TVP23C: variants seen among roughly 807,000 people sequenced by gnomAD.
TVP23C encodes trans-golgi network vesicle protein 23 homolog C.
In TVP23C, 19 loss-of-function variants were observed where a neutral mutation model predicts 28.7. The ratio of observed to expected loss-of-function variants is 0.66; its 90% CI spans 0.46 to 0.97. The LOEUF (loss-of-function observed/expected upper bound fraction) is 0.97. TVP23C is among the 50% of genes least tolerant of loss of function. TVP23C has a pLI of 0.00. For missense variants in TVP23C, 186 were observed against 241.3 expected, an observed-to-expected ratio of 0.77 and a Z score of 1.52; for synonymous variants, 68 against 81.7, an observed-to-expected ratio of 0.83 and a Z score of 0.90.
At chr17:15,509,147 C>T (rs1464284263) in intron 5 of TVP23C, among the ~76,000 whole-genome samples, 1 of 152,242 alleles carries the variant, frequency 6.6e-6, no homozygotes, top group African/African-American at 2.4e-5. Context: ...GTCTGTCATT[C>T]TCTGATCTGG....
intron 5 of TVP23C, among the ~76,000 whole-genome samples, chr17:15,530,504 A>G (rs1376480872): frequency 2.6e-5 from 4 of 152,214 alleles, no homozygotes; most frequent in African/African-American, 2.4e-5. Context: ...ACATTATTTC[A>G]TAAGTACTGC....
intron 5 of TVP23C, among the ~76,000 whole-genome samples, chr17:15,520,748 C>A (rs1263204708): frequency 6.6e-6 from 1 of 152,054 alleles, no homozygotes; most frequent in African/African-American, 2.4e-5. Flanking sequence ...GTGCTTGATA[C>A]CACCATGTCC....
Position 15,538,323 on chromosome 17 carries a change from G to C in TVP23C, c.*2089C>G. On this transcript the variant is annotated 3_prime_UTR_variant, in exon 6 of 6. Coordinates refer to ENST00000518321, the MANE Select transcript of TVP23C (RefSeq NM_001135036.2). The stretch of plus-strand genomic sequence containing the variant: ...TAGACATGCTAGGCTGGGCGCCGTG[G>C]CTTACACCTGTAATCCCAGCACTTT... 7 of 967,182 alleles carry C rather than the reference G, an allele frequency of 7.2e-6. No homozygotes were observed. Among genetic ancestry groups the C allele is most frequent in the Non-Finnish European group, 8.6e-6 (7 of 813,516 alleles). The allele number at this position is 967,182 out of a possible 1,614,324, so 59.9% of individuals were successfully genotyped here. A position where few individuals can be genotyped will look rare whatever the true frequency, so the allele number is the denominator to read the frequency against.
chr17:15,524,874 A>T (rs1982655679), intron 5 of TVP23C, among the ~76,000 whole-genome samples: 1 of 152,230 alleles, frequency 6.6e-6, no homozygotes, highest in South Asian at 2.1e-4. Context: ...CTAAGAACAG[A>T]CACAGTGCAT....
At chr17:15,513,162 G>A (rs955501488) in intron 5 of TVP23C, among the ~76,000 whole-genome samples, 1 of 152,154 alleles carries the variant, frequency 6.6e-6, no homozygotes, top group African/African-American at 2.4e-5. Context: ...AGAAGGCCAG[G>A]AACAGTCCTT....
At chr17:15,558,231 A>G (rs1286229451) in intron 1 of TVP23C, among the ~76,000 whole-genome samples, 3 of 144,954 alleles carry the variant, frequency 2.1e-5, no homozygotes, top group East Asian at 2.0e-4. Context: ...GCGGCCAGGG[A>G]GACTTTTTCA....
intron 1 of TVP23C, among the ~76,000 whole-genome samples, chr17:15,561,953 G>A (rs1025706425): frequency 1.3e-5 from 2 of 152,046 alleles, no homozygotes; most frequent in African/African-American, 2.4e-5. Flanking sequence ...AGTGACCACT[G>A]GTCGTCCTCA....
chr17:15,544,378 AAT>A (rs1219034855), intron 5 of TVP23C, among the ~76,000 whole-genome samples: 1 of 152,224 alleles, frequency 6.6e-6, no homozygotes, highest in East Asian at 1.9e-4. Flanking sequence ...ACCAGTAAGA[AAT>A]ATGTTTTCAA....
chr17:15,531,469 C>T (rs1982947974), intron 5 of TVP23C, among the ~76,000 whole-genome samples: 1 of 152,158 alleles, frequency 6.6e-6, no homozygotes, highest in Non-Finnish European at 1.5e-5. Context: ...ATCCCTCAAG[C>T]TCTGTTCACT....
At chr17:15,502,695 T>TGTTC (rs994493261) in exon 6 of TVP23C, 7 of 1,145,840 alleles carry the variant, frequency 6.1e-6, no homozygotes, top group African/African-American at 1.6e-5. Context: ...ACAAGTTCCC[T>TGTTC]GTTCGTTCGT....
chr17:15,551,176 G>C (rs1314930635), intron 3 of TVP23C, among the ~76,000 whole-genome samples: 1 of 151,752 alleles, frequency 6.6e-6, no homozygotes, highest in Non-Finnish European at 1.5e-5. Context: ...GAGTGCAGTG[G>C]CGCGATCTCG....
Position 15,553,723 on chromosome 17 carries a change from T to G in TVP23C, c.202A>C (p.Ile68Leu). The G allele has an allele frequency of 6.2e-7, 1 of 1,613,396 alleles. No individual in the cohort carries two copies. The highest frequency in any genetic ancestry group is 8.5e-7 in the Non-Finnish European group (1 of 1,179,776). ...SSSFITCMVTIILLLSCDFWA... is the reference protein window; with the variant it reads ...SSSFITCMVTLILLLSCDFWA... ...AAGTCACACGACAACAACAAGATAATTGTAACCATACAGGTAATAAAGCTG... is the reference window on the plus strand; with the variant it reads ...AAGTCACACGACAACAACAAGATAAGTGTAACCATACAGGTAATAAAGCTG... Residue 68 changes from isoleucine to leucine, a missense_variant, in exon 3 of 6, where the codon ATT becomes CTT. Around this residue, in one of 3 missense-constraint regions of TVP23C, gnomAD observed 92 missense variants for 94.3 expected, o/e 0.98. Transcript: ENST00000518321.
intron 5 of TVP23C, among the ~76,000 whole-genome samples, chr17:15,531,346 T>C (rs58362356): frequency 0.055 from 8,372 of 152,248 alleles, 776 homozygotes; most frequent in African/African-American, 0.19. Flanking sequence ...ATGTATTTCA[T>C]TGAATTTGGG....
chr17:15,507,101 G>T, intron 5 of TVP23C: 1 of 1,040,510 alleles, frequency 9.6e-7, no homozygotes. Context: ...TCTACGGGGA[G>T]AAATTTGATG....
intron 5 of TVP23C, among the ~76,000 whole-genome samples, chr17:15,512,446 A>AATTCAC (rs1982039428): frequency 6.6e-6 from 1 of 152,142 alleles, no homozygotes; most frequent in Non-Finnish European, 1.5e-5. Context: ...CACAAAGGGG[A>AATTCAC]CAAGTCTACA....
chr17:15,553,958 G>A, intron 2 of TVP23C, 129 bp from the exon 3 acceptor site: 2 of 1,524,278 alleles, frequency 1.3e-6, no homozygotes, highest in Non-Finnish European at 1.8e-6. Context: ...GGTGACTTTA[G>A]TAGGAGGAAG....
chr17:15,563,140 C>A, intron 1 of TVP23C: 3 of 466,432 alleles, frequency 6.4e-6, no homozygotes, highest in Admixed American at 3.8e-5. Context: ...CTCCTCAACT[C>A]CACCCCGGCA....
chr17:15,559,775 A>G (rs1209339450), intron 1 of TVP23C, among the ~76,000 whole-genome samples: 1 of 148,556 alleles, frequency 6.7e-6, no homozygotes, highest in Non-Finnish European at 1.5e-5. Context: ...GGGGAGGTGG[A>G]GGAAGGGTAA....
intron 5 of TVP23C, among the ~76,000 whole-genome samples, chr17:15,511,762 G>A (rs1362640170): frequency 6.6e-6 from 1 of 151,976 alleles, no homozygotes; most frequent in East Asian, 1.9e-4. Context: ...TTTCAATTGT[G>A]TTTCGTGACT....
Sources: gnomAD v4.1 joint callset for allele counts (sites outside exome capture counted in the v4.1 genomes callset) on GRCh38, gnomAD v4.1.1 for gene constraint, gnomAD v4.1.1 regional missense constraint, MANE v1.5 for transcripts, NCBI Gene and HGNC (gene_info 2026-07-23, HGNC 2026-07-21) for gene names.